The following LIPA variants were observed in gnomAD, a reference collection of about 807,000 sequenced individuals.
The protein encoded by LIPA is lipase A, lysosomal acid type.
In LIPA, 26 loss-of-function variants were observed where a neutral mutation model predicts 40.6. That is an observed-to-expected ratio of 0.64 (90% CI 0.47 to 0.89). The LOEUF is 0.89. Ranked by LOEUF, LIPA falls within the 40% of genes least tolerant of loss-of-function variation. The pLI is 0.00. For missense variants in LIPA, 455 were observed against 479.6 expected (o/e 0.95, Z 0.48); for synonymous variants, 188 against 168.4 (o/e 1.12, Z -0.90).
chr10:89,327,187 T>C (rs1471227130), intron 1 of LIPA, among the ~76,000 whole-genome samples: 1 of 152,238 alleles, frequency 6.6e-6, no homozygotes, highest in African/African-American at 2.4e-5. Context: ...GGTTTTATTA[T>C]GCAGATGAAG....
At chr10:89,276,049 G>A (rs1843287594) in intron 1 of LIPA, among the ~76,000 whole-genome samples, 4 of 152,186 alleles carry the variant, frequency 2.6e-5, no homozygotes, top group Admixed American at 2.6e-4. Flanking sequence ...AGGATGCTAA[G>A]CTTTAAAAGG....
At chr10:89,334,834 T>A (rs747246899) in intron 1 of LIPA, among the ~76,000 whole-genome samples, 11 of 152,132 alleles carry the variant, frequency 7.2e-5, no homozygotes, top group Non-Finnish European at 8.8e-5. Context: ...TCATCCCACC[T>A]GCCTGCTTGT....
intron 2 of LIPA, among the ~76,000 whole-genome samples, chr10:89,390,609 A>AAC (rs138044698): frequency 9.9e-5 from 15 of 151,820 alleles, no homozygotes; most frequent in Admixed American, 6.6e-4. Context: ...TTTATCTGTA[A>AAC]ACACACACAC....
chr10:89,383,481 C>T, intron 2 of LIPA: 1 of 1,614,168 alleles, frequency 6.2e-7, no homozygotes, highest in Non-Finnish European at 8.5e-7. Flanking sequence ...GAATACACAA[C>T]CTACTAGCCT....
Position 89,412,514 on chromosome 10 carries a change from G to A in LIPA, c.61+277C>T, listed in dbSNP as rs536448613. The A allele has an allele frequency of 7.7e-4, 138 of 179,564 alleles. 1 individual carries two copies. Among genetic ancestry groups the A allele is most frequent in the Non-Finnish European group, 1.3e-3 (111 of 82,902 alleles). 11.1% of individuals were successfully genotyped at this position (179,564 alleles called of 1,614,324 possible). On this transcript the variant is annotated intron_variant, in intron 2 of 8. Coordinates refer to the LIPA transcript ENST00000371837. Reference sequence around the variant, plus strand: ...GAATAAAAGCAGGCCACCCCAGCCAGCAGCGGCAACCTGCTCGGGTCTGCT... The same window carrying A: ...GAATAAAAGCAGGCCACCCCAGCCAACAGCGGCAACCTGCTCGGGTCTGCT...
intron 1 of LIPA, among the ~76,000 whole-genome samples, chr10:89,289,298 C>CA (rs1843358812): frequency 6.6e-6 from 1 of 152,248 alleles, no homozygotes; most frequent in Admixed American, 6.5e-5. Context: ...TAGAACCTCT[C>CA]ATTTCCTTTC....
intron 8 of LIPA, among the ~76,000 whole-genome samples, chr10:89,222,019 ACATCTAT>A (rs1842705395): frequency 6.6e-6 from 1 of 152,210 alleles, no homozygotes; most frequent in African/African-American, 2.4e-5. Flanking sequence ...GCCCCCATTC[ACATCTAT>A]CATTGGTTTA....
intron 1 of LIPA, among the ~76,000 whole-genome samples, chr10:89,315,833 A>C (rs542130433): frequency 6.6e-6 from 1 of 152,276 alleles, no homozygotes; most frequent in South Asian, 2.1e-4. Flanking sequence ...AAATTCGAGA[A>C]CTAGTAAAGT....
At chr10:89,232,916 G>A (rs1187435988) in intron 3 of LIPA, among the ~76,000 whole-genome samples, 1 of 152,170 alleles carries the variant, frequency 6.6e-6, no homozygotes, top group Non-Finnish European at 1.5e-5. Context: ...TGGGAGGTGA[G>A]TGTGAAGAAA....
At chr10:89,344,033 G>GA (rs898761424), upstream of LIPA, among the ~76,000 whole-genome samples, 2 of 152,072 alleles carry the variant, frequency 1.3e-5, no homozygotes, top group Admixed American at 6.6e-5. Flanking sequence ...ACAGTGTTGG[G>GA]AAAAATCACC....
intron 1 of LIPA, among the ~76,000 whole-genome samples, chr10:89,277,687 G>T (rs1843295880): frequency 6.6e-6 from 1 of 152,180 alleles, no homozygotes; most frequent in Admixed American, 6.5e-5. Flanking sequence ...TCTCTATATT[G>T]GAGGAAACAA....
intron 1 of LIPA, chr10:89,340,771 A>C (rs931746850): frequency 5.3e-5 from 8 of 152,128 alleles, no homozygotes; most frequent in African/African-American, 1.9e-4. Context: ...ACTGCCTAAC[A>C]ACAAAATTTG....
At chr10:89,260,121 T>C (rs1278088537) in intron 1 of LIPA, among the ~76,000 whole-genome samples, 4 of 152,218 alleles carry the variant, frequency 2.6e-5, no homozygotes, top group Non-Finnish European at 4.4e-5. Flanking sequence ...ATGACAGATA[T>C]AATCCTAATA....
chr10:89,292,823 T>C (rs887569633), intron 1 of LIPA, among the ~76,000 whole-genome samples: 3 of 151,936 alleles, frequency 2.0e-5, no homozygotes, highest in Admixed American at 2.0e-4. Flanking sequence ...TTTTTTTTTT[T>C]TTAATTGTAG....
chr10:89,216,563 TA>T (rs1433353301), intron 8 of LIPA, among the ~76,000 whole-genome samples: 1 of 151,846 alleles, frequency 6.6e-6, no homozygotes, highest in African/African-American at 2.4e-5. Flanking sequence ...AAAAAAACAA[TA>T]AAAGATAATA....
At chr10:89,343,075 T>C (rs771997348), upstream of LIPA, among the ~76,000 whole-genome samples, 22 of 152,174 alleles carry the variant, frequency 1.4e-4, no homozygotes, top group Non-Finnish European at 2.6e-4. Context: ...AGGTAGGTAA[T>C]ACCTCTCCTT....
chr10:89,304,897 A>G (rs1843468718), intron 1 of LIPA, among the ~76,000 whole-genome samples: 1 of 152,096 alleles, frequency 6.6e-6, no homozygotes. Flanking sequence ...AGCTCTTTCT[A>G]TAAGAAAAGG....
Position 89,214,049 on chromosome 10 carries a change from C to T in LIPA, c.*779G>A, listed in dbSNP as rs531443999. The stretch of plus-strand genomic sequence containing the variant: ...GTATAGTCTCCACAGGGATTTGCTT[C>T]TCAGATAAGTAGAACTATGGCCTGC... On this transcript the variant is annotated 3_prime_UTR_variant, in exon 10 of 10. Transcript: ENST00000336233. 12 of 152,216 alleles carry T rather than the reference C, an allele frequency of 7.9e-5. No individual in the cohort carries two copies. The highest frequency in any genetic ancestry group is 2.9e-4 in the African/African-American group (12 of 41,440). The allele number at this position is 152,216 out of a possible 1,614,324, so 9.4% of individuals were successfully genotyped here.
At chr10:89,313,676 G>A (rs1843527304) in intron 1 of LIPA, among the ~76,000 whole-genome samples, 1 of 152,188 alleles carries the variant, frequency 6.6e-6, no homozygotes, top group African/African-American at 2.4e-5. Context: ...ATATGGTAGA[G>A]CCACATAATG....
Sources: allele counts gnomAD v4.1 joint callset (sites outside exome capture counted in the v4.1 genomes callset), GRCh38; gene constraint gnomAD v4.1.1; transcripts MANE v1.5; gene names NCBI Gene and HGNC (gene_info 2026-07-23, HGNC 2026-07-21).